Variants in CFAP92 observed in about 807,000 individuals in gnomAD.
The protein encoded by CFAP92 is uncharacterized protein CFAP92.
Under a neutral mutation model 106.3 loss-of-function variants are expected in CFAP92, and 86 were observed. The observed-to-expected ratio is 0.81, with a 90% CI of 0.68 to 0.97. The LOEUF is 0.97. Ranked by LOEUF, CFAP92 falls within the 50% of genes least tolerant of loss-of-function variation. The pLI, the probability that CFAP92 is intolerant of heterozygous loss-of-function variation, is 0.00. For synonymous variants in CFAP92, 477 were observed against 506.4 expected, an observed-to-expected ratio of 0.94 and a Z score of 0.78; for missense variants, 1,204 against 1,283.8, an observed-to-expected ratio of 0.94 and a Z score of 0.95.
At chr3:128,951,709 C>G (rs1409399325) in intron 9 of CFAP92, among the ~76,000 whole-genome samples, 1 of 152,124 alleles carries the variant, frequency 6.6e-6, no homozygotes, top group Non-Finnish European at 1.5e-5. Context: ...GACAACTCAG[C>G]AGAACAGCAA....
chr3:128,918,285 C>A (rs1166157386), intron 12 of CFAP92, among the ~76,000 whole-genome samples: 1 of 152,156 alleles, frequency 6.6e-6, no homozygotes, highest in East Asian at 1.9e-4. Flanking sequence ...GCTTGGCCAA[C>A]ATACAGTGAA....
intron 2 of CFAP92, among the ~76,000 whole-genome samples, chr3:128,991,049 T>C (rs796291726): frequency 2.0e-5 from 3 of 152,324 alleles, no homozygotes; most frequent in African/African-American, 7.2e-5. Context: ...AAAATACTCT[T>C]AGGCACACAA....
At chr3:128,959,544 A>C (rs921106465) in intron 9 of CFAP92, among the ~76,000 whole-genome samples, 1 of 152,250 alleles carries the variant, frequency 6.6e-6, no homozygotes, top group Non-Finnish European at 1.5e-5. Flanking sequence ...GAGAGAATTC[A>C]GGAGACAGGG....
chr3:129,003,363 C>T, upstream of CFAP92: 1 of 871,780 alleles, frequency 1.1e-6, no homozygotes, highest in Non-Finnish European at 1.4e-6. Flanking sequence ...CAGATAGAAA[C>T]CACCCTCAAA....
At chr3:128,944,946 A>G in intron 10 of CFAP92, 125 bp downstream of exon 10, 6 of 847,156 alleles carry the variant, frequency 7.1e-6, no homozygotes, top group Admixed American at 2.9e-5. Flanking sequence ...GTACCTCACA[A>G]TGAACCCCGA....
chr3:128,938,271 C>T (rs183982628), intron 10 of CFAP92, among the ~76,000 whole-genome samples: 271 of 151,946 alleles, frequency 1.8e-3, no homozygotes, highest in Non-Finnish European at 1.1e-3. Flanking sequence ...CTCAAAAAAA[C>T]GACAAAGTTA....
intron 12 of CFAP92, among the ~76,000 whole-genome samples, chr3:128,931,521 G>T (rs1559863756): frequency 7.7e-6 from 1 of 129,330 alleles, no homozygotes; most frequent in Non-Finnish European, 1.6e-5. Flanking sequence ...ATATATGTAT[G>T]TATGTGTATA....
intron 9 of CFAP92, among the ~76,000 whole-genome samples, chr3:128,962,163 G>A (rs1312644755): frequency 6.6e-6 from 1 of 152,166 alleles, no homozygotes; most frequent in Non-Finnish European, 1.5e-5. Context: ...TCGGCTTAGC[G>A]GCTGAAGACT....
chr3:129,002,611 G>A, exon 1 of CFAP92: 1 of 492,990 alleles, frequency 2.0e-6, no homozygotes, highest in Non-Finnish European at 3.4e-6. Flanking sequence ...ATCGCGTCTT[G>A]CCCCTTTAAC....
At chr3:129,015,356 C>T in the CFAP92 span, among the ~76,000 whole-genome samples, 10 of 152,170 alleles carry the variant, frequency 6.6e-5, no homozygotes, top group African/African-American at 1.4e-4. Context: ...ACGTCTTTCA[C>T]GGCCCCTGGA....
chr3:129,001,725 G>A (rs1300290526), intron 1 of CFAP92: 2 of 1,520,938 alleles, frequency 1.3e-6, no homozygotes, highest in African/African-American at 1.4e-5. Context: ...GCTGCTGAGC[G>A]CCCTGGCGCA....
At chr3:128,977,227 A>G (rs1277952353) in intron 5 of CFAP92, among the ~76,000 whole-genome samples, 161 bp from the exon 6 acceptor site, 2 of 152,204 alleles carry the variant, frequency 1.3e-5, no homozygotes, top group African/African-American at 4.8e-5. Context: ...GAATAAACAT[A>G]CAGACTAATA....
At chr3:128,983,552 C>T (rs761885001) in intron 4 of CFAP92, among the ~76,000 whole-genome samples, 18 of 151,960 alleles carry the variant, frequency 1.2e-4, no homozygotes, top group Non-Finnish European at 2.9e-5. Context: ...CACATGGCAG[C>T]CACCAAGAAT....
chr3:129,001,980 G>A (rs1286146374), intron 1 of CFAP92: 6 of 1,545,304 alleles, frequency 3.9e-6, no homozygotes, highest in Non-Finnish European at 5.2e-6. Flanking sequence ...CGCTGAGTTG[G>A]CCACGGACGG....
At chr3:128,991,046 T>C (rs1944180825) in intron 2 of CFAP92, among the ~76,000 whole-genome samples, 1 of 152,202 alleles carries the variant, frequency 6.6e-6, no homozygotes, top group Non-Finnish European at 1.5e-5. Flanking sequence ...AAAAAAATAC[T>C]CTTAGGCACA....
intron 7 of CFAP92, among the ~76,000 whole-genome samples, 182 bp downstream of exon 7, chr3:128,975,597 G>T (rs1233748107): frequency 2.0e-5 from 3 of 152,136 alleles, no homozygotes; most frequent in Admixed American, 2.0e-4. Flanking sequence ...GGGATGGGTG[G>T]ATGGATGGAT....
intron 9 of CFAP92, among the ~76,000 whole-genome samples, chr3:128,956,207 T>TAAAAAAAAAAAAAAAAAAAA (rs1256391409): frequency 1.9e-5 from 1 of 53,224 alleles, no homozygotes. Flanking sequence ...AAAAAAAAAA[T>TAAAAAAAAAAAAAAAAAAAA]AAAAAAATAA....
intron 12 of CFAP92, among the ~76,000 whole-genome samples, chr3:128,931,527 G>A (rs201998086): frequency 0.06 from 7,065 of 117,486 alleles, 337 homozygotes; most frequent in African/African-American, 0.16. Flanking sequence ...GTATGTATGT[G>A]TATATATATA....
In CFAP92 at chr3:128,971,206, T is replaced by C. The variant is rs763735626; in HGVS notation, c.1168+81A>G. On this transcript the variant is annotated intron_variant, in intron 8 of 15. Coordinates refer to ENST00000645291, the MANE Select transcript of CFAP92 (RefSeq NM_001394090.1). ...GAAATGAGGTGGCACGCAGCAGGGT[T>C]GTCATTAGGAGCATCCGCTTATGGC... 5 of 1,604,846 alleles carry C rather than the reference T, an allele frequency of 3.1e-6. No homozygotes were observed. In the Admixed American group the frequency reaches 8.5e-5, roughly 27 times the overall value.
Sources: gnomAD v4.1 joint callset for allele counts (sites outside exome capture counted in the v4.1 genomes callset) on GRCh38, gnomAD v4.1.1 for gene constraint, MANE v1.5 for transcripts, NCBI Gene and HGNC (gene_info 2026-07-23, HGNC 2026-07-21) for gene names.